The following CSMD1 variants were observed in gnomAD, a reference collection of about 807,000 sequenced individuals.
The protein encoded by CSMD1 is CUB and sushi domain-containing protein 1.
In CSMD1, 213 loss-of-function variants were observed where a neutral mutation model predicts 417.5. The observed-to-expected ratio is 0.51, with a 90% CI of 0.46 to 0.57. The LOEUF (loss-of-function observed/expected upper bound fraction) is 0.57, where lower values mean the gene tolerates loss of function less well. Ranked by LOEUF, CSMD1 falls within the 20% of genes least tolerant of loss-of-function variation. The pLI, the probability that CSMD1 is intolerant of heterozygous loss-of-function variation, is 0.00. For synonymous variants in CSMD1, 2,862 were observed against 1,736.8 expected (o/e 1.65, Z -16.11); for missense variants, 6,923 against 4,529.7 (o/e 1.53, Z -15.17).
Position 3,449,733 on chromosome 8 carries a change from G to T in CSMD1, c.1561+18979C>A, listed in dbSNP as rs914179961. Among the ~76,000 whole-genome samples, 4 of 152,178 alleles carry T rather than the reference G, an allele frequency of 2.6e-5. No homozygotes were observed. In the East Asian group the frequency reaches 7.8e-4, roughly 30 times the overall value. On this transcript the variant is annotated intron_variant, in intron 12 of 69. Transcript: ENST00000635120. ...GGGTTTCACCATGTTGGTCAGGCCT[G>T]TCTCAAACTCTTGACCTCAGGTGAT...
intron 2 of CSMD1, among the ~76,000 whole-genome samples, chr8:4,426,515 A>C (rs1797565491): frequency 6.8e-6 from 1 of 147,656 alleles, no homozygotes. Context: ...ATATTTTATA[A>C]AGACTGTAGT....
At chr8:4,446,368 C>T (rs1257606067) in intron 2 of CSMD1, among the ~76,000 whole-genome samples, 2 of 151,994 alleles carry the variant, frequency 1.3e-5, no homozygotes, top group African/African-American at 4.8e-5. Flanking sequence ...GGCAACATGG[C>T]AGAACCCCAA....
intron 3 of CSMD1, among the ~76,000 whole-genome samples, chr8:4,401,915 A>G (rs1388509850): frequency 2.6e-5 from 4 of 151,930 alleles, no homozygotes; most frequent in African/African-American, 9.7e-5. Flanking sequence ...AGATCCTCTT[A>G]TTGAAGCCAT....
intron 4 of CSMD1, among the ~76,000 whole-genome samples, chr8:4,008,312 T>A (rs1816286966): frequency 6.6e-6 from 1 of 152,062 alleles, no homozygotes; most frequent in African/African-American, 2.4e-5. Context: ...TCTGTTCAAT[T>A]TTTAGGTGAT....
intron 3 of CSMD1, among the ~76,000 whole-genome samples, chr8:4,413,605 T>TTA (rs1796767960): frequency 6.6e-6 from 1 of 152,296 alleles, no homozygotes; most frequent in African/African-American, 2.4e-5. Flanking sequence ...AGATCTACCC[T>TTA]TATAACGAAT....
At chr8:4,708,375 A>C (rs1044033842) in intron 1 of CSMD1, among the ~76,000 whole-genome samples, 1 of 152,186 alleles carries the variant, frequency 6.6e-6, no homozygotes, top group South Asian at 2.1e-4. Context: ...CTTGTTCATT[A>C]TTCTGTTCAG....
intron 2 of CSMD1, among the ~76,000 whole-genome samples, chr8:4,500,096 A>C (rs1417721175): frequency 9.4e-5 from 5 of 52,994 alleles, no homozygotes; most frequent in Non-Finnish European, 1.7e-4. Flanking sequence ...ACTAGGTGAA[A>C]AGGTATAAAG....
intron 5 of CSMD1, among the ~76,000 whole-genome samples, chr8:3,870,431 A>T (rs535644686): frequency 1.3e-5 from 2 of 152,184 alleles, no homozygotes; most frequent in African/African-American, 4.8e-5. Flanking sequence ...TTATATGCAT[A>T]TATCTTTACA....
At chr8:4,442,212 C>T (rs530672682) in intron 2 of CSMD1, among the ~76,000 whole-genome samples, 1 of 152,276 alleles carries the variant, frequency 6.6e-6, no homozygotes, top group South Asian at 2.1e-4. Flanking sequence ...TTATAGCAGA[C>T]ATGATGTCAT....
At chr8:4,131,012 A>T (rs936587332) in intron 3 of CSMD1, among the ~76,000 whole-genome samples, 1 of 152,174 alleles carries the variant, frequency 6.6e-6, no homozygotes, top group Non-Finnish European at 1.5e-5. Context: ...GGAATCTAGC[A>T]TTAATGACTC....
At chr8:3,158,458 C>G (rs1033979471) in intron 38 of CSMD1, among the ~76,000 whole-genome samples, 1 of 152,136 alleles carries the variant, frequency 6.6e-6, no homozygotes, top group African/African-American at 2.4e-5. Context: ...CAGCAAAGCA[C>G]TGGGTCGTTT....
chr8:4,023,854 G>T (rs1019929465), intron 4 of CSMD1, among the ~76,000 whole-genome samples: 1 of 143,382 alleles, frequency 7.0e-6, no homozygotes, highest in African/African-American at 2.6e-5. Flanking sequence ...CCTGACCTCG[G>T]GATCTGCCCG....
intron 1 of CSMD1, among the ~76,000 whole-genome samples, chr8:4,856,973 G>A (rs1431104720): frequency 2.0e-5 from 3 of 151,096 alleles, no homozygotes; most frequent in Non-Finnish European, 3.0e-5. Context: ...ATTTTTTTCA[G>A]CACCACACCA....
intron 1 of CSMD1, among the ~76,000 whole-genome samples, chr8:4,966,166 C>G (rs1164910296): frequency 6.9e-6 from 1 of 145,174 alleles, no homozygotes; most frequent in Non-Finnish European, 1.5e-5. Context: ...GAGTTCCAGA[C>G]CAGCTTGGCT....
At chr8:4,756,352 T>C (rs1019399239) in intron 1 of CSMD1, among the ~76,000 whole-genome samples, 1 of 152,140 alleles carries the variant, frequency 6.6e-6, no homozygotes, top group African/African-American at 2.4e-5. Context: ...TCAGGCATAC[T>C]GGCCATATTT....
At chr8:4,198,780 T>G (rs1799484719) in intron 3 of CSMD1, among the ~76,000 whole-genome samples, 1 of 152,128 alleles carries the variant, frequency 6.6e-6, no homozygotes, top group Non-Finnish European at 1.5e-5. Flanking sequence ...ATTCTAAGAG[T>G]TCATCGACTT....
intron 41 of CSMD1, among the ~76,000 whole-genome samples, chr8:3,139,207 G>T (rs1818290369): frequency 6.6e-6 from 1 of 152,154 alleles, no homozygotes; most frequent in South Asian, 2.1e-4. Context: ...TGGAGGCACA[G>T]GCACAAGAGT....
intron 5 of CSMD1, among the ~76,000 whole-genome samples, chr8:3,924,696 G>T (rs1020306383): frequency 6.6e-6 from 1 of 151,984 alleles, no homozygotes. Context: ...TTTAGCTCCA[G>T]ATTTTCTTTG....
chr8:4,306,885 T>C (rs916484398), intron 3 of CSMD1, among the ~76,000 whole-genome samples: 3 of 152,156 alleles, frequency 2.0e-5, no homozygotes, highest in Middle Eastern at 6.3e-3. Context: ...TCTGCAGTTA[T>C]GCTTTCCTTA....
Sources: gnomAD v4.1 joint callset for allele counts (sites outside exome capture counted in the v4.1 genomes callset) on GRCh38, gnomAD v4.1.1 for gene constraint, MANE v1.5 for transcripts, NCBI Gene and HGNC (gene_info 2026-07-23, HGNC 2026-07-21) for gene names.